The following SF3B1 variants were observed in gnomAD, a reference collection of about 807,000 sequenced individuals.
The protein encoded by SF3B1 is pre-mRNA processing 10.
Under a neutral mutation model 153.8 loss-of-function variants are expected in SF3B1, and 12 were observed. The observed-to-expected ratio is 0.08, with a 90% CI of 0.05 to 0.13. SF3B1 has a LOEUF of 0.13. SF3B1 is among the 10% of genes least tolerant of loss of function. The pLI is 1.00. For synonymous variants in SF3B1, 498 were observed against 525.2 expected, an observed-to-expected ratio of 0.95 and a Z score of 0.71; for missense variants, 513 against 1,606.1, an observed-to-expected ratio of 0.32 and a Z score of 11.63.
In SF3B1 at chr2:197,409,865, C is replaced by T. The variant is rs1193846732; in HGVS notation, c.809G>A (p.Arg270Gln). The T allele has an allele frequency of 6.2e-6, 10 of 1,614,010 alleles. No individual in the cohort carries two copies. The highest frequency in any genetic ancestry group is 2.7e-5 in the African/African-American group (2 of 74,912). The change falls in exon 7 of 25, where the codon CGA becomes CAA. Residue 270 changes from arginine to glutamine, a missense_variant. Arg to Gln is a conservative substitution (Grantham distance 43). Coordinates refer to ENST00000335508, the MANE Select transcript of SF3B1 (RefSeq NM_012433.4). ...HTPAGAATPG[R>Q]GDTPGHATPG... ...TGTCGCATGGCCTGGTGTATCACCT[C>T]GTCCAGGAGTAGCAGCTCCCGCTGG...
intron 1 of SF3B1, among the ~76,000 whole-genome samples, chr2:197,427,559 C>T (rs1227591121): frequency 6.6e-6 from 1 of 152,098 alleles, no homozygotes; most frequent in Non-Finnish European, 1.5e-5. Flanking sequence ...CAAATTATTA[C>T]CATGACATTC....
intron 1 of SF3B1, among the ~76,000 whole-genome samples, chr2:197,427,972 C>T (rs561560228): frequency 8.6e-5 from 13 of 151,944 alleles, no homozygotes; most frequent in African/African-American, 2.4e-4. Context: ...GAGCCGAGAT[C>T]GCACCACTGC....
Position 197,402,393 on chromosome 2 carries a change from A to G in SF3B1, c.2077+163T>C, listed in dbSNP as rs2084944543. On this transcript the variant is annotated intron_variant, in intron 14 of 24. Coordinates refer to ENST00000335508, the MANE Select transcript of SF3B1 (RefSeq NM_012433.4). This position sits in a 1 kb window ranked among gnomAD's most constrained non-coding sequence, Gnocchi z 4.6. ...GCCCAAATTTTAGGACAGCTGTCCT[A>G]TTAAACATGGACAGGCTGTGTGTGT... The G allele has an allele frequency of 4.2e-6, 3 of 710,974 alleles. No homozygotes were observed. In the East Asian group the frequency reaches 8.1e-5, roughly 19 times the overall value. 44.0% of individuals were successfully genotyped at this position (710,974 alleles called of 1,614,324 possible).
chr2:197,406,360 T>C (rs1238019422), intron 9 of SF3B1, among the ~76,000 whole-genome samples: 1 of 152,132 alleles, frequency 6.6e-6, no homozygotes, highest in East Asian at 1.9e-4. Context: ...GATTAAATTA[T>C]GTTAAATTTA....
intron 9 of SF3B1, 89 bp from the exon 10 acceptor site, chr2:197,405,561 T>C (rs1353625422): frequency 1.1e-6 from 1 of 911,860 alleles, no homozygotes; most frequent in African/African-American, 1.7e-5. Context: ...TTTTAGTTTA[T>C]TAGCTAATAA....
intron 9 of SF3B1, among the ~76,000 whole-genome samples, chr2:197,405,857 A>G (rs1415066540): frequency 6.6e-6 from 1 of 152,162 alleles, no homozygotes; most frequent in East Asian, 1.9e-4. Context: ...AAATAAGCTC[A>G]TATGGGGCAT....
At position 197,396,229 on chromosome 2, in the gene SF3B1, T is replaced by C; in HGVS notation, c.3366A>G (p.Thr1122=). 6.2e-7 allele frequency: 1 copy of C among 1,613,978 alleles called. No individual in the cohort carries two copies. The highest frequency in any genetic ancestry group is 8.5e-7 in the Non-Finnish European group (1 of 1,179,880). The change falls in exon 23 of 25, where the codon ACA becomes ACG. Residue 1122 remains threonine, a synonymous_variant. Coordinates refer to ENST00000335508, the MANE Select transcript of SF3B1 (RefSeq NM_012433.4). ...TTVAIAIVAE[T]CSPFTVLPAL... is the part of the protein sequence containing the mutation. ...CAGGGAGTACTGTAAAGGGTGAACA[T>C]GTTTCTGCAACAATAGCTATTGCTA...
chr2:197,423,153 A>G (rs1447091262), intron 2 of SF3B1, among the ~76,000 whole-genome samples: 1 of 151,970 alleles, frequency 6.6e-6, no homozygotes, highest in African/African-American at 2.4e-5. Flanking sequence ...TTGGGAGGCC[A>G]AGGCAGGTGG....
intron 9 of SF3B1, among the ~76,000 whole-genome samples, chr2:197,406,787 CAG>C (rs764522589): frequency 2.6e-5 from 4 of 152,112 alleles, no homozygotes; most frequent in South Asian, 2.1e-4. Flanking sequence ...ACACAAATAA[CAG>C]GGGATCAAAA....
intron 1 of SF3B1, among the ~76,000 whole-genome samples, chr2:197,431,411 T>C (rs1346724494): frequency 1.3e-5 from 2 of 152,338 alleles, no homozygotes; most frequent in Non-Finnish European, 2.9e-5. Flanking sequence ...TGAGACACCA[T>C]GCCCAGCCCT....
intron 5 of SF3B1, among the ~76,000 whole-genome samples, chr2:197,417,341 A>G (rs1429827836): frequency 6.6e-6 from 1 of 152,202 alleles, no homozygotes; most frequent in Non-Finnish European, 1.5e-5. Flanking sequence ...AAATATGCAT[A>G]GTGATAATGG....
rs577969430 is a variant in SF3B1, at chr2:197,429,604, T to C, written c.28+5368A>G. On this transcript the variant is annotated intron_variant, in intron 1 of 24. Transcript: ENST00000335508. ...TTCGAGACCAGTCTGGCCAATGTGG[T>C]GAAACCCCATCTCTACTAAAAATAC... Among the ~76,000 whole-genome samples the C allele has an allele frequency of 7.9e-5, 12 of 152,126 alleles. No homozygotes were observed. In the East Asian group the frequency reaches 2.3e-3, roughly 29 times the overall value.
At chr2:197,429,171 T>C (rs778739347) in intron 1 of SF3B1, among the ~76,000 whole-genome samples, 1 of 152,308 alleles carries the variant, frequency 6.6e-6, no homozygotes, top group South Asian at 2.1e-4. Context: ...CATAGTTCAA[T>C]ACATTCAGAT....
intron 1 of SF3B1, 34 bp downstream of exon 1, chr2:197,434,938 G>A (rs776805683): frequency 2.5e-6 from 4 of 1,605,634 alleles, no homozygotes; most frequent in Non-Finnish European, 3.4e-6. Flanking sequence ...GGCTAGCAAC[G>A]AAGAAAACAC....
chr2:197,433,169 A>G (rs1427367899), intron 1 of SF3B1, among the ~76,000 whole-genome samples: 5 of 152,258 alleles, frequency 3.3e-5, no homozygotes, highest in African/African-American at 1.2e-4. Flanking sequence ...TATTTCTACT[A>G]AACATTTATC....
chr2:197,408,547 A>G lies in SF3B1; in HGVS notation c.939T>C (p.Thr313=). 6.2e-7 allele frequency: 1 copy of G among 1,612,624 alleles called. No individual in the cohort carries two copies. The highest frequency in any genetic ancestry group is 8.5e-7 in the Non-Finnish European group (1 of 1,179,810). The change falls in exon 8 of 25, where the codon ACT becomes ACC. Residue 313 remains threonine, a synonymous_variant. Transcript: ENST00000335508. Reference sequence around the variant, plus strand: ...AATCTCCACCTCGATCTGTTCGAGGAGTCTCAGCCCATCCACTTCCATGCC... The same window carrying G: ...AATCTCCACCTCGATCTGTTCGAGGGGTCTCAGCCCATCCACTTCCATGCC... ...TPGHGSGWAE[T]PRTDRGGDSI...
intron 1 of SF3B1, among the ~76,000 whole-genome samples, chr2:197,425,124 C>T (rs1019257485): frequency 1.3e-5 from 2 of 151,994 alleles, no homozygotes; most frequent in African/African-American, 4.8e-5. Flanking sequence ...TGCCACTGCA[C>T]TTTAGCCTGG....
Position 197,390,972 on chromosome 2 carries a change from A to G in SF3B1, c.*1331T>C, listed in dbSNP as rs1458417771. On this transcript the variant is annotated 3_prime_UTR_variant, in exon 25 of 25. Coordinates refer to ENST00000335508, the MANE Select transcript of SF3B1 (RefSeq NM_012433.4). ...GTCAATAGGCAGTTTTACTTACAGT[A>G]GTAGTTATATACTAATGCTGCTTGC... 2 of 152,204 alleles carry G rather than the reference A, an allele frequency of 1.3e-5. No individual in the cohort carries two copies. Among genetic ancestry groups the G allele is most frequent in the Non-Finnish European group, 2.9e-5 (2 of 68,030 alleles). The allele number at this position is 152,204 out of a possible 1,614,324, so 9.4% of individuals were successfully genotyped here.
chr2:197,402,409 C>CTGTG lies in SF3B1; in HGVS notation c.2077+143_2077+146dup, dbSNP rs1032400302. On this transcript the variant is annotated intron_variant, in intron 14 of 24. Coordinates refer to ENST00000335508, the MANE Select transcript of SF3B1 (RefSeq NM_012433.4). This position sits in a 1 kb window ranked among gnomAD's most constrained non-coding sequence, Gnocchi z 4.6. ...AGCTGTCCTATTAAACATGGACAGG[C>CTGTG]TGTGTGTGTACCTCTAGTCCCAACT... The CTGTG allele has an allele frequency of 2.7e-6, 2 of 738,502 alleles. No individual in the cohort carries two copies. Among genetic ancestry groups the CTGTG allele is most frequent in the African/African-American group, 3.6e-5 (2 of 56,016 alleles). The allele number at this position is 738,502 out of a possible 1,614,324, so 45.7% of individuals were successfully genotyped here. A position where few individuals can be genotyped will look rare whatever the true frequency, so the allele number is the denominator to read the frequency against.
Sources: allele counts gnomAD v4.1 joint callset (sites outside exome capture counted in the v4.1 genomes callset), GRCh38; gene constraint gnomAD v4.1.1; non-coding constraint Gnocchi (gnomAD v3.1); transcripts MANE v1.5; gene names NCBI Gene and HGNC (gene_info 2026-07-23, HGNC 2026-07-21).